The following MORC2 variants were observed in gnomAD, a reference collection of about 807,000 sequenced individuals.
The protein encoded by MORC2 is MORC family CW-type zinc finger 2, also known as ATPase MORC2.
Under a neutral mutation model 136.0 loss-of-function variants are expected in MORC2, and 30 were observed. The observed-to-expected ratio is 0.22, with a 90% CI of 0.17 to 0.30. The LOEUF is 0.30. Ranked by LOEUF, MORC2 falls within the 10% of genes least tolerant of loss-of-function variation. The probability of loss-of-function intolerance (pLI) is 1.00; values close to 1 mark genes in which losing one functional copy is unlikely to be tolerated. For missense variants in MORC2, 922 were observed against 1,333.1 expected, an observed-to-expected ratio of 0.69 and a Z score of 4.80; for synonymous variants, 439 against 487.0, an observed-to-expected ratio of 0.90 and a Z score of 1.30.
intron 6 of MORC2, among the ~76,000 whole-genome samples, chr22:30,943,340 A>C (rs1415085428): frequency 6.6e-6 from 1 of 152,272 alleles, no homozygotes; most frequent in African/African-American, 2.4e-5. Context: ...ATGACTGATG[A>C]GGGCACACAG....
chr22:30,939,336 T>C (rs1359769457), intron 12 of MORC2, among the ~76,000 whole-genome samples: 1 of 152,154 alleles, frequency 6.6e-6, no homozygotes, highest in Non-Finnish European at 1.5e-5. Context: ...ACAATGAGCA[T>C]TTTATACATC....
chr22:30,961,332 T>G (rs574039172), intron 1 of MORC2, among the ~76,000 whole-genome samples: 1 of 152,266 alleles, frequency 6.6e-6, no homozygotes, highest in Non-Finnish European at 1.5e-5. Context: ...CCCCACTAAC[T>G]AGGGAGAAAT....
At chr22:30,942,563 A>T (rs914400817) in intron 6 of MORC2, among the ~76,000 whole-genome samples, 6 of 152,148 alleles carry the variant, frequency 3.9e-5, no homozygotes, top group Non-Finnish European at 7.4e-5. Context: ...ATTTGGTAAA[A>T]ATTCTACTCT....
Position 30,934,480 on chromosome 22 carries a change from GCTAT to G in MORC2, c.2194-293_2194-290del, listed in dbSNP as rs1272475839. On this transcript the variant is annotated intron_variant, in intron 19 of 25. Transcript: ENST00000397641. This position sits in a 1 kb window ranked among gnomAD's most constrained non-coding sequence, Gnocchi z 4.4. ...CCGACCACTGCCGCAGCCCACTCAG[GCTAT>G]CTGTCACCAGATGACTGACCTAAGC... Among the ~76,000 whole-genome samples, 3 of 152,268 alleles carry G rather than the reference GCTAT, an allele frequency of 2.0e-5. No homozygotes were observed. The highest frequency in any genetic ancestry group is 2.1e-4 in the South Asian group (1 of 4,828).
Position 30,928,100 on chromosome 22 carries a change from G to A in MORC2, c.2949C>T (p.Ser983=), listed in dbSNP as rs372404658. Residue 983 remains serine (S), a synonymous_variant, in exon 25 of 26, where the codon TCC becomes TCT. Transcript: ENST00000397641. ...AKASEESLRT[S]ERKLRETEEK... ...CCTCCGTCTCGCGGAGCTTCCTCTCGGAGGTGCGCAGGCTTTCCTCGGAGG... is the reference window on the plus strand; with the variant it reads ...CCTCCGTCTCGCGGAGCTTCCTCTCAGAGGTGCGCAGGCTTTCCTCGGAGG... 1.8e-5 allele frequency: 29 copies of A among 1,613,952 alleles called. No individual in the cohort carries two copies. In the Middle Eastern group the frequency reaches 4.9e-4, roughly 27 times the overall value.
rs1388656367 is a variant in MORC2 at position 30,928,013 on chromosome 22, G to C, written c.3030+6C>G. ...CCAGCTGCAACAGGAAGGCTGCCGGGCTCACCTCCTGCACCTTTTGCAGGA... is the reference window on the plus strand; with the variant it reads ...CCAGCTGCAACAGGAAGGCTGCCGGCCTCACCTCCTGCACCTTTTGCAGGA... On this transcript the variant is annotated splice_donor_region_variant and intron_variant, in intron 25 of 25. Transcript: ENST00000397641. The C allele has an allele frequency of 5.6e-6, 9 of 1,612,572 alleles. No homozygotes were observed. The highest frequency in any genetic ancestry group is 7.6e-6 in the Non-Finnish European group (9 of 1,180,012).
intron 1 of MORC2, among the ~76,000 whole-genome samples, chr22:30,964,680 A>C (rs934776016): frequency 6.6e-6 from 1 of 152,204 alleles, no homozygotes; most frequent in African/African-American, 2.4e-5. Context: ...TTAACTGAAG[A>C]CTTTCAGGTT....
At chr22:30,951,809 A>ATT (rs529409836) in intron 3 of MORC2, among the ~76,000 whole-genome samples, 85 of 144,436 alleles carry the variant, frequency 5.9e-4, no homozygotes, top group African/African-American at 2.0e-3. Context: ...TTAAAATGCT[A>ATT]TTTTTTTTTT....
intron 24 of MORC2, among the ~76,000 whole-genome samples, chr22:30,931,705 C>G (rs901680770): frequency 1.5e-4 from 23 of 152,210 alleles, no homozygotes; most frequent in African/African-American, 5.3e-4. Context: ...GCTCTCTCTG[C>G]CCCCCAGGCC....
At chr22:30,950,566 T>G in intron 3 of MORC2, 121 bp from the exon 4 acceptor site, 1 of 903,606 alleles carries the variant, frequency 1.1e-6, no homozygotes, top group Non-Finnish European at 1.7e-6. Context: ...AGCCTAAACT[T>G]TCTACGCTGG....
rs764341637 is a variant in MORC2, at chr22:30,942,100, A to C, written c.586+12T>G. The C allele has an allele frequency of 1.2e-6, 2 of 1,612,872 alleles. No homozygotes were observed. Among genetic ancestry groups the C allele is most frequent in the Non-Finnish European group, 1.7e-6 (2 of 1,178,892 alleles). On this transcript the variant is annotated intron_variant, in intron 7 of 25. Transcript: ENST00000397641. ...CCAGATTCTAGGGGCTACAGGCTCAAAGCCTACTTACCGCTGTCCCCAGGA... is the reference window on the plus strand; with the variant it reads ...CCAGATTCTAGGGGCTACAGGCTCACAGCCTACTTACCGCTGTCCCCAGGA...
chr22:30,939,442 T>A (rs2040707638), intron 12 of MORC2, among the ~76,000 whole-genome samples, 179 bp downstream of exon 12: 2 of 152,218 alleles, frequency 1.3e-5, no homozygotes, highest in Non-Finnish European at 2.9e-5. Context: ...AGCCCTGCCC[T>A]GTCTTTATGA....
rs2040655580 is a variant in MORC2, at chr22:30,936,607, C to T, written c.1641G>A (p.Leu547=). 1 of 1,614,144 alleles carries T rather than the reference C, an allele frequency of 6.2e-7. No homozygotes were observed. Among genetic ancestry groups the T allele is most frequent in the East Asian group, 2.2e-5 (1 of 44,890 alleles). ...TCTTCATGTCCTTTCTGAATGTTCC[C>T]AGGGGAACCTTCTGCTTTTGTTCAG... The part of the protein sequence containing the change: ...EASEQKQKVP[L]GTFRKDMKTQ... The change falls in exon 17 of 26, where the codon CTG becomes CTA. Residue 547 remains leucine (L), a synonymous_variant. Coordinates refer to ENST00000397641, the MANE Select transcript of MORC2 (RefSeq NM_001303256.3).
rs1010850994 is a variant in MORC2 at position 30,925,670 on chromosome 22, G to C, written c.*1133C>G. On this transcript the variant is annotated 3_prime_UTR_variant, in exon 26 of 26. Transcript: ENST00000397641. ...GGCCCCAAATACGAGTGGGAAGAGA[G>C]TTGGGAAAAACTGAACCAGACTCTT... 1 of 153,806 alleles carries C rather than the reference G, an allele frequency of 6.5e-6. No homozygotes were observed. Among genetic ancestry groups the C allele is most frequent in the African/African-American group, 2.4e-5 (1 of 41,456 alleles). The allele number at this position is 153,806 out of a possible 1,614,324, so 9.5% of individuals were successfully genotyped here.
intron 6 of MORC2, among the ~76,000 whole-genome samples, chr22:30,944,755 TAATC>T (rs1395745898): frequency 2.0e-5 from 3 of 152,198 alleles, no homozygotes; most frequent in Non-Finnish European, 2.9e-5. Flanking sequence ...CGCCTTCTAC[TAATC>T]AATCAATCAC....
At chr22:30,939,493 T>A (rs964490851) in intron 12 of MORC2, 128 bp downstream of exon 12, 2 of 867,954 alleles carry the variant, frequency 2.3e-6, no homozygotes, top group Admixed American at 2.6e-5. Flanking sequence ...ACTTCCCTCC[T>A]GCAGGAGGCA....
In MORC2 at chr22:30,933,511, T is replaced by C. The variant is rs1022082270; in HGVS notation, c.2335A>G (p.Ser779Gly). The change falls in exon 21 of 26, where the codon AGT (serine) becomes GGT (glycine). Residue 779 changes from serine to glycine, a missense_variant. Ser to Gly is a moderately conservative substitution (Grantham distance 56, BLOSUM62 0). Transcript: ENST00000397641. ...EKKDSNELSD[S>G]AGEEDSADLK... ...TCAGCCGAGTCCTCTTCCCCAGCAC[T>C]GTCTGAGAGCTGCGTGGAGAGCAGT... The C allele has an allele frequency of 6.2e-7, 1 of 1,613,564 alleles. No homozygotes were observed. Among genetic ancestry groups the C allele is most frequent in the East Asian group, 2.2e-5 (1 of 44,848 alleles).
intron 3 of MORC2, 64 bp from the exon 4 acceptor site, chr22:30,950,509 A>G (rs889703089): frequency 2.7e-5 from 40 of 1,471,124 alleles, no homozygotes; most frequent in Middle Eastern, 1.7e-4. Context: ...CATGCCTATG[A>G]TCAGAAGGCA....
chr22:30,929,685 C>T (rs573487064), intron 24 of MORC2, among the ~76,000 whole-genome samples: 6 of 151,976 alleles, frequency 3.9e-5, no homozygotes, highest in South Asian at 2.1e-4. Context: ...GGTGTGAACC[C>T]GGGAGGCAGA....
Sources: allele counts gnomAD v4.1 joint callset (sites outside exome capture counted in the v4.1 genomes callset), GRCh38; gene constraint gnomAD v4.1.1; non-coding constraint Gnocchi (gnomAD v3.1); transcripts MANE v1.5; gene names NCBI Gene and HGNC (gene_info 2026-07-23, HGNC 2026-07-21).